The following CTNNA1 variants were observed in gnomAD, a reference collection of about 807,000 sequenced individuals.
The protein encoded by CTNNA1 is catenin alpha-1.
Under a neutral mutation model 98.4 loss-of-function variants are expected in CTNNA1, and 37 were observed. The ratio of observed to expected loss-of-function variants is 0.38; its 90% CI spans 0.29 to 0.49. The LOEUF is 0.49. CTNNA1 is among the 20% of genes least tolerant of loss of function. CTNNA1 has a pLI of 0.95. For missense variants in CTNNA1, 761 were observed against 1,147.2 expected (o/e 0.66, Z 4.86); for synonymous variants, 404 against 413.2 (o/e 0.98, Z 0.27).
rs375076485 is a variant in CTNNA1 at position 138,808,868 on chromosome 5, C to T, written c.302-1170C>T. Among the ~76,000 whole-genome samples the T allele has an allele frequency of 1.3e-3, 194 of 152,052 alleles. 2 individuals carry two copies. Among genetic ancestry groups the T allele is most frequent in the Non-Finnish European group, 1.8e-3 (121 of 68,000 alleles). ...CCAGTGGACAAGACACAACACTGGC[C>T]CTTTAGTTGCTTCTAGCTGTAAGAA... On this transcript the variant is annotated intron_variant, in intron 3 of 17. Coordinates refer to ENST00000302763, the MANE Select transcript of CTNNA1 (RefSeq NM_001903.5).
At chr5:138,806,021 T>A (rs945790036) in intron 3 of CTNNA1, among the ~76,000 whole-genome samples, 24 of 152,186 alleles carry the variant, frequency 1.6e-4, no homozygotes, top group African/African-American at 5.8e-4. Flanking sequence ...TGTTTTATAA[T>A]TTTAGCTCTA....
At chr5:138,909,297 C>G (rs1371365551) in intron 10 of CTNNA1, among the ~76,000 whole-genome samples, 3 of 151,892 alleles carry the variant, frequency 2.0e-5, no homozygotes, top group Admixed American at 1.3e-4. Context: ...GAAATTTACA[C>G]AAAGGATGAA....
chr5:138,903,925 T>A (rs536127359), intron 9 of CTNNA1, among the ~76,000 whole-genome samples: 1 of 152,130 alleles, frequency 6.6e-6, no homozygotes, highest in East Asian at 1.9e-4. Flanking sequence ...CACCTTAGAG[T>A]TTTTTATTTC....
At chr5:138,814,434 G>C (rs1310619322) in intron 5 of CTNNA1, among the ~76,000 whole-genome samples, 3 of 152,092 alleles carry the variant, frequency 2.0e-5, no homozygotes, top group East Asian at 3.8e-4. Flanking sequence ...TAAATTATAA[G>C]TATCTTTTCT....
chr5:138,911,329 C>T (rs1038538741), intron 10 of CTNNA1, among the ~76,000 whole-genome samples: 1 of 152,130 alleles, frequency 6.6e-6, no homozygotes, highest in Non-Finnish European at 1.5e-5. Flanking sequence ...ATAATGGCCT[C>T]CCAAACATGT....
At chr5:138,925,954 G>A (rs1438611797) in intron 13 of CTNNA1, among the ~76,000 whole-genome samples, 4 of 152,162 alleles carry the variant, frequency 2.6e-5, no homozygotes, top group Non-Finnish European at 5.9e-5. Context: ...GGGCCTCTAT[G>A]GCATCTGTGA....
At chr5:138,910,067 T>C (rs1760210060) in intron 10 of CTNNA1, among the ~76,000 whole-genome samples, 1 of 152,134 alleles carries the variant, frequency 6.6e-6, no homozygotes, top group Admixed American at 6.6e-5. Context: ...TCTGAGCATT[T>C]TCTGTATCCT....
At chr5:138,768,753 T>C (rs934893159) in intron 1 of CTNNA1, among the ~76,000 whole-genome samples, 2 of 151,918 alleles carry the variant, frequency 1.3e-5, no homozygotes, top group African/African-American at 4.8e-5. Context: ...ATGATGTTTC[T>C]TTCTTAGGGC....
chr5:138,889,911 T>C (rs1310225442), intron 9 of CTNNA1, among the ~76,000 whole-genome samples: 1 of 152,210 alleles, frequency 6.6e-6, no homozygotes, highest in Non-Finnish European at 1.5e-5. Flanking sequence ...AATTCCTGAC[T>C]TATGGCAGAA....
intron 7 of CTNNA1, among the ~76,000 whole-genome samples, chr5:138,846,232 G>T (rs982328020): frequency 6.6e-6 from 1 of 152,168 alleles, no homozygotes; most frequent in African/African-American, 2.4e-5. Flanking sequence ...GATTACAGGC[G>T]CGAGCCACTG....
chr5:138,878,914 T>C (rs557688252), intron 7 of CTNNA1, among the ~76,000 whole-genome samples: 1 of 152,232 alleles, frequency 6.6e-6, no homozygotes, highest in Admixed American at 6.5e-5. Context: ...CAATCCCTGC[T>C]TTTAAAAAAA....
chr5:138,810,287 AT>A, intron 4 of CTNNA1, 83 bp downstream of exon 4: 1 of 1,493,242 alleles, frequency 6.7e-7, no homozygotes, highest in Non-Finnish European at 9.2e-7. Context: ...ATTCCTTAGG[AT>A]TTAGTTTGGT....
intron 1 of CTNNA1, among the ~76,000 whole-genome samples, chr5:138,757,571 A>C (rs1248529640): frequency 6.6e-6 from 1 of 152,202 alleles, no homozygotes; most frequent in Non-Finnish European, 1.5e-5. Context: ...ATGAGCTTTT[A>C]GTCATATCTT....
At chr5:138,819,582 G>A (rs1759806823) in intron 5 of CTNNA1, among the ~76,000 whole-genome samples, 2 of 152,136 alleles carry the variant, frequency 1.3e-5, no homozygotes, top group South Asian at 4.1e-4. Context: ...TGACTTTTCT[G>A]GACAGTCCAG....
intron 9 of CTNNA1, among the ~76,000 whole-genome samples, chr5:138,895,480 T>G (rs945432445): frequency 6.1e-5 from 9 of 146,426 alleles, no homozygotes; most frequent in African/African-American, 2.3e-4. Flanking sequence ...AAAGGTTAAC[T>G]GACATTGATT....
At chr5:138,892,166 C>T (rs1755519233) in intron 9 of CTNNA1, among the ~76,000 whole-genome samples, 1 of 152,024 alleles carries the variant, frequency 6.6e-6, no homozygotes, top group African/African-American at 2.4e-5. Flanking sequence ...ACAGGACTTC[C>T]TGAGGCTGTG....
chr5:138,928,778 A>G (rs1764669951), intron 13 of CTNNA1, among the ~76,000 whole-genome samples: 1 of 152,180 alleles, frequency 6.6e-6, no homozygotes. Context: ...TACTAAAAAT[A>G]CAAAAATTAG....
Position 138,810,182 on chromosome 5 carries a change from A to G in CTNNA1, c.446A>G (p.Lys149Arg), listed in dbSNP as rs1015730449. Residue 149 changes from lysine to arginine, a missense_variant, in exon 4 of 18, where the codon AAA (lysine) becomes AGA (arginine). Transcript: ENST00000302763. Reference sequence around the variant, plus strand: ...TTGGCTGACATGGCAGATGTCTACAAATTACTTGTTCAGCTGAAAGTTGTA... The same window carrying G: ...TTGGCTGACATGGCAGATGTCTACAGATTACTTGTTCAGCTGAAAGTTGTA... ...LILADMADVY[K>R]LLVQLKVVED... is the part of the protein sequence containing the mutation. 2.5e-6 allele frequency: 4 copies of G among 1,614,056 alleles called. No individual in the cohort carries two copies. The highest frequency in any genetic ancestry group is 1.6e-4 in the Middle Eastern group (1 of 6,062).
Position 138,932,647 on chromosome 5 carries a change from C to T in CTNNA1, c.2368C>T (p.Leu790=), listed in dbSNP as rs1580930499. ...ACGCATCGCCCTCTACTGCCACCAG[C>T]TGAACATCTGCAGCAAGGTCAAGGC... is the stretch of plus-strand genomic sequence containing the variant. ...LQRIALYCHQ[L]NICSKVKAEV... The change falls in exon 17 of 18, where the codon CTG becomes TTG. Residue 790 remains leucine, a synonymous_variant. Coordinates refer to ENST00000302763, the MANE Select transcript of CTNNA1 (RefSeq NM_001903.5). The T allele has an allele frequency of 3.1e-6, 5 of 1,614,220 alleles. 1 individual carries two copies. In the Middle Eastern group the frequency reaches 8.2e-4, roughly 266 times the overall value.
Sources: allele counts gnomAD v4.1 joint callset (sites outside exome capture counted in the v4.1 genomes callset), GRCh38; gene constraint gnomAD v4.1.1; transcripts MANE v1.5; gene names NCBI Gene and HGNC (gene_info 2026-07-23, HGNC 2026-07-21).